CHN2: variants seen among roughly 807,000 people sequenced by gnomAD.
CHN2 encodes the protein beta-chimaerin.
A neutral mutation model predicts 56.3 loss-of-function variants in CHN2; 35 were observed. The ratio of observed to expected loss-of-function variants is 0.62; its 90% CI spans 0.47 to 0.82. The LOEUF is 0.82. Ranked by LOEUF, CHN2 falls within the 40% of genes least tolerant of loss-of-function variation. The probability of loss-of-function intolerance (pLI) is 0.00; values close to 1 mark genes in which losing one functional copy is unlikely to be tolerated. For synonymous variants in CHN2, 210 were observed against 212.8 expected (o/e 0.99, Z 0.12); for missense variants, 491 against 580.5 (o/e 0.85, Z 1.58).
At chr7:29,182,422 T>C (rs985596638) in intron 2 of CHN2, among the ~76,000 whole-genome samples, 3 of 152,198 alleles carry the variant, frequency 2.0e-5, no homozygotes, top group African/African-American at 7.2e-5. Flanking sequence ...AATAGGGCTA[T>C]GGGGACCCAG....
At chr7:29,162,465 C>T (rs761875708) in intron 2 of CHN2, among the ~76,000 whole-genome samples, 3 of 152,022 alleles carry the variant, frequency 2.0e-5, no homozygotes, top group Non-Finnish European at 4.4e-5. Flanking sequence ...AGTTCAAGAC[C>T]AGTCTGACCA....
chr7:29,195,235 G>A lies in CHN2; in HGVS notation c.49+245G>A, dbSNP rs1783528654. The A allele has an allele frequency of 5.5e-5, 24 of 437,912 alleles. No individual in the cohort carries two copies. In the East Asian group the frequency reaches 9.0e-4, roughly 16 times the overall value. The allele number at this position is 437,912 out of a possible 1,614,324, so 27.1% of individuals were successfully genotyped here. The stretch of plus-strand genomic sequence containing the variant: ...GTGCCCTTAGTGTGCGGACGCGGGT[G>A]TTCCGGGGCTTGGAGTGCAGCGAGC... On this transcript the variant is annotated intron_variant, in intron 1 of 12. Coordinates refer to ENST00000222792, the MANE Select transcript of CHN2 (RefSeq NM_004067.4).
At chr7:29,211,059 GTT>G (rs60239658) in intron 1 of CHN2, among the ~76,000 whole-genome samples, 15 of 147,166 alleles carry the variant, frequency 1.0e-4, no homozygotes, top group South Asian at 2.2e-4. Flanking sequence ...TAGGTGTTTT[GTT>G]TTTTTTTTTG....
At chr7:29,292,582 A>G (rs1269855785) in intron 1 of CHN2, among the ~76,000 whole-genome samples, 4 of 152,232 alleles carry the variant, frequency 2.6e-5, no homozygotes, top group Non-Finnish European at 5.9e-5. Flanking sequence ...ATGCCAACAG[A>G]TTTTTATGTA....
At chr7:29,381,298 C>G (rs757750620) in intron 3 of CHN2, among the ~76,000 whole-genome samples, 16 of 152,062 alleles carry the variant, frequency 1.1e-4, no homozygotes, top group Non-Finnish European at 1.6e-4. Context: ...ACCTGTGGCT[C>G]CAGGATGCCA....
intron 6 of CHN2, among the ~76,000 whole-genome samples, chr7:29,435,637 A>G (rs749666841): frequency 5.3e-5 from 8 of 152,160 alleles, no homozygotes; most frequent in Admixed American, 1.3e-4. Context: ...TAAAATTATA[A>G]TATTATAATC....
chr7:29,352,962 A>G (rs939334413), intron 1 of CHN2, among the ~76,000 whole-genome samples: 60 of 152,234 alleles, frequency 3.9e-4, no homozygotes, highest in African/African-American at 1.4e-3. Flanking sequence ...TTGCTATTAT[A>G]AGACACTGTT....
chr7:29,415,379 A>T (rs188045494), intron 6 of CHN2, among the ~76,000 whole-genome samples: 1 of 152,358 alleles, frequency 6.6e-6, no homozygotes, highest in Admixed American at 6.5e-5. Context: ...GGAGAGGCTC[A>T]AGTGGGGAGT....
intron 2 of CHN2, among the ~76,000 whole-genome samples, chr7:29,154,078 C>T (rs1343884374): frequency 6.6e-6 from 1 of 152,174 alleles, no homozygotes; most frequent in East Asian, 1.9e-4. Context: ...ACAGCCCTAA[C>T]CTCTGCATTT....
intron 1 of CHN2, among the ~76,000 whole-genome samples, chr7:29,325,485 A>C (rs573181772): frequency 1.3e-5 from 2 of 152,340 alleles, no homozygotes; most frequent in African/African-American, 4.8e-5. Flanking sequence ...ATACTATGAA[A>C]GGCAGCCAAT....
At chr7:29,470,547 C>T (rs535965465) in intron 6 of CHN2, among the ~76,000 whole-genome samples, 15 of 152,152 alleles carry the variant, frequency 9.9e-5, no homozygotes, top group Non-Finnish European at 1.6e-4. Flanking sequence ...AGAAAACAAC[C>T]GGTTAATTTG....
chr7:29,387,842 A>G (rs1179779609), intron 3 of CHN2, among the ~76,000 whole-genome samples: 1 of 152,238 alleles, frequency 6.6e-6, no homozygotes, highest in African/African-American at 2.4e-5. Context: ...CTTTGGTAAT[A>G]TCACTGCATT....
chr7:29,380,715 A>C (rs950524402), intron 3 of CHN2: 4 of 152,206 alleles, frequency 2.6e-5, no homozygotes, highest in African/African-American at 9.7e-5. Flanking sequence ...TACTCACCCA[A>C]TCTTTTTTCC....
intron 3 of CHN2, among the ~76,000 whole-genome samples, chr7:29,386,477 T>G (rs926342551): frequency 6.6e-6 from 1 of 152,188 alleles, no homozygotes; most frequent in Admixed American, 6.5e-5. Context: ...GCGGAGGGAT[T>G]ACAAAAGCTT....
intron 7 of CHN2, among the ~76,000 whole-genome samples, chr7:29,489,790 T>C (rs1266553084): frequency 1.3e-5 from 2 of 152,212 alleles, no homozygotes; most frequent in Non-Finnish European, 2.9e-5. Context: ...GTAGGGATAC[T>C]TGTTGGGAAA....
intron 1 of CHN2, among the ~76,000 whole-genome samples, chr7:29,350,875 C>T (rs781743084): frequency 9.9e-5 from 15 of 151,962 alleles, no homozygotes; most frequent in South Asian, 2.1e-4. Context: ...TTTGGGAGGC[C>T]GAGGTGGGTG....
intron 1 of CHN2, among the ~76,000 whole-genome samples, chr7:29,328,802 A>G (rs553354283): frequency 7.2e-5 from 11 of 152,316 alleles, no homozygotes; most frequent in African/African-American, 2.6e-4. Context: ...AATGCTTACA[A>G]TAGCCTAAAA....
intron 1 of CHN2, among the ~76,000 whole-genome samples, chr7:29,254,093 C>T (rs750518335): frequency 1.2e-4 from 18 of 152,098 alleles, no homozygotes; most frequent in Non-Finnish European, 2.2e-4. Flanking sequence ...TTAGTAGAGA[C>T]GGGTTTTCAC....
intron 6 of CHN2, among the ~76,000 whole-genome samples, chr7:29,461,903 C>T (rs1485411174): frequency 6.6e-6 from 1 of 152,082 alleles, no homozygotes; most frequent in Non-Finnish European, 1.5e-5. Context: ...GTGCCTACAG[C>T]AGTGTCTCAT....
Sources: gnomAD v4.1 joint callset for allele counts (sites outside exome capture counted in the v4.1 genomes callset) on GRCh38, gnomAD v4.1.1 for gene constraint, MANE v1.5 for transcripts, NCBI Gene and HGNC (gene_info 2026-07-23, HGNC 2026-07-21) for gene names.